The following NELL1 variants were observed in gnomAD, a reference collection of about 807,000 sequenced individuals.
The protein encoded by NELL1 is neural EGFL like 1.
A neutral mutation model predicts 107.4 loss-of-function variants in NELL1; 76 were observed. The ratio of observed to expected loss-of-function variants is 0.71; its 90% CI spans 0.59 to 0.86. The LOEUF (loss-of-function observed/expected upper bound fraction) is 0.86. NELL1 is among the 40% of genes least tolerant of loss of function. The probability of loss-of-function intolerance (pLI) is 0.00; values close to 1 mark genes in which losing one functional copy is unlikely to be tolerated. For synonymous variants in NELL1, 353 were observed against 341.2 expected (o/e 1.03, Z -0.38); for missense variants, 1,024 against 1,005.5 (o/e 1.02, Z -0.25).
intron 12 of NELL1, among the ~76,000 whole-genome samples, chr11:21,022,793 G>A (rs1412036857): frequency 6.6e-6 from 1 of 152,046 alleles, no homozygotes; most frequent in African/African-American, 2.4e-5. Flanking sequence ...TATCATAAGG[G>A]TTAAATTAGA....
At chr11:20,860,102 C>T (rs561875050) in intron 4 of NELL1, among the ~76,000 whole-genome samples, 4 of 152,288 alleles carry the variant, frequency 2.6e-5, no homozygotes, top group Admixed American at 1.3e-4. Context: ...ATCATATTCA[C>T]TTAAGCCACA....
intron 15 of NELL1, among the ~76,000 whole-genome samples, chr11:21,426,475 T>C (rs1255807953): frequency 6.6e-6 from 1 of 152,228 alleles, no homozygotes; most frequent in Non-Finnish European, 1.5e-5. Context: ...TTAAAGACTT[T>C]CATGAAAAGT....
chr11:21,045,658 A>G (rs1853337272), intron 12 of NELL1, among the ~76,000 whole-genome samples: 1 of 151,902 alleles, frequency 6.6e-6, no homozygotes, highest in Non-Finnish European at 1.5e-5. Flanking sequence ...GTTCTTGACC[A>G]CCTCCTCATT....
intron 12 of NELL1, among the ~76,000 whole-genome samples, chr11:21,013,190 T>C (rs1324555417): frequency 1.3e-5 from 2 of 152,172 alleles, no homozygotes; most frequent in Admixed American, 6.5e-5. Context: ...ACTGTCACAA[T>C]TTTATCACTG....
chr11:21,039,275 T>C lies in NELL1; in HGVS notation c.1301-74314T>C, dbSNP rs552892448. Among the ~76,000 whole-genome samples the C allele has an allele frequency of 5.9e-5, 9 of 152,176 alleles. No homozygotes were observed. The South Asian group carries it at 1.9e-3, about 32-fold the overall frequency. On this transcript the variant is annotated intron_variant, in intron 12 of 19. Transcript: ENST00000357134. Reference sequence around the variant, plus strand: ...ATCTCGGCTCACTGCAACCTCTGCCTCCTGGGTTCAAGCAATTCTCCTGTC... The same window carrying C: ...ATCTCGGCTCACTGCAACCTCTGCCCCCTGGGTTCAAGCAATTCTCCTGTC...
At chr11:20,835,064 T>C (rs1267195063) in intron 3 of NELL1, among the ~76,000 whole-genome samples, 1 of 152,206 alleles carries the variant, frequency 6.6e-6, no homozygotes, top group Non-Finnish European at 1.5e-5. Flanking sequence ...TGCCTGAGCA[T>C]GCCAGACACA....
chr11:21,554,514 G>C (rs1015851681), intron 16 of NELL1, among the ~76,000 whole-genome samples: 2 of 151,814 alleles, frequency 1.3e-5, no homozygotes, highest in African/African-American at 2.4e-5. Flanking sequence ...ATCAGGAGTG[G>C]TGGTACAGAT....
intron 2 of NELL1, among the ~76,000 whole-genome samples, chr11:20,714,012 C>T (rs1041708984): frequency 6.6e-6 from 1 of 151,994 alleles, no homozygotes; most frequent in Non-Finnish European, 1.5e-5. Flanking sequence ...AGTTTTTTGT[C>T]TGTCTCCCAG....
At chr11:21,490,422 G>T (rs914389970) in intron 15 of NELL1, among the ~76,000 whole-genome samples, 37 of 97,334 alleles carry the variant, frequency 3.8e-4, no homozygotes, top group Non-Finnish European at 5.7e-4. Flanking sequence ...ATTTTTCACA[G>T]AATTCAAAAA....
intron 14 of NELL1, among the ~76,000 whole-genome samples, chr11:21,271,971 A>T (rs1162260212): frequency 6.6e-6 from 1 of 152,212 alleles, no homozygotes; most frequent in East Asian, 1.9e-4. Flanking sequence ...AGTTCCCAGC[A>T]TGAGCGATGC....
intron 4 of NELL1, among the ~76,000 whole-genome samples, chr11:20,852,625 A>C (rs1590349760): frequency 6.6e-6 from 1 of 152,314 alleles, no homozygotes; most frequent in East Asian, 1.9e-4. Flanking sequence ...TAGTATGCGG[A>C]GGGAAATTAA....
chr11:20,885,648 C>A (rs2134107500), intron 5 of NELL1, 108 bp downstream of exon 5: 1 of 700,976 alleles, frequency 1.4e-6, no homozygotes, highest in Non-Finnish European at 2.6e-6. Context: ...AAGGGCATGG[C>A]ATAATAGCTA....
chr11:20,696,394 T>C (rs913403106), intron 2 of NELL1, among the ~76,000 whole-genome samples: 1 of 152,116 alleles, frequency 6.6e-6, no homozygotes, highest in African/African-American at 2.4e-5. Flanking sequence ...TTACTCTGGG[T>C]GTGATGTTAG....
intron 12 of NELL1, among the ~76,000 whole-genome samples, chr11:21,078,498 A>T (rs1294130585): frequency 6.6e-6 from 1 of 152,166 alleles, no homozygotes; most frequent in Admixed American, 6.5e-5. Flanking sequence ...ATCTAAAGAG[A>T]AAAATGTTCC....
Position 21,275,308 on chromosome 11 carries a change from G to A in NELL1, c.1549+45854G>A, listed in dbSNP as rs1289802942. On this transcript the variant is annotated intron_variant, in intron 14 of 19. Transcript: ENST00000357134. ...TAAACTAGAAAATCTAGAAGAAATG[G>A]ATAAATTCCTAGACACATACACCCT... 2.0e-5 allele frequency among the ~76,000 whole-genome samples: 3 copies of A among 152,252 alleles called. No individual in the cohort carries two copies. In the East Asian group the frequency reaches 5.8e-4, roughly 29 times the overall value.
chr11:20,801,900 T>G (rs1185674549), intron 3 of NELL1, among the ~76,000 whole-genome samples: 2 of 152,214 alleles, frequency 1.3e-5, no homozygotes, highest in Non-Finnish European at 2.9e-5. Context: ...TGTAGATGTA[T>G]GAATTTGTTC....
At chr11:21,059,968 A>G (rs1186194970) in intron 12 of NELL1, among the ~76,000 whole-genome samples, 3 of 152,206 alleles carry the variant, frequency 2.0e-5, no homozygotes, top group South Asian at 4.1e-4. Flanking sequence ...CAAATTTATT[A>G]AAAAGCTCTT....
chr11:20,816,895 T>C (rs542737005), intron 3 of NELL1, among the ~76,000 whole-genome samples: 1 of 152,220 alleles, frequency 6.6e-6, no homozygotes, highest in African/African-American at 2.4e-5. Context: ...TCTATTGAGA[T>C]GATCATATGA....
chr11:21,266,376 G>T (rs1323248197), intron 14 of NELL1, among the ~76,000 whole-genome samples: 1 of 151,922 alleles, frequency 6.6e-6, no homozygotes, highest in African/African-American at 2.4e-5. Context: ...AGCTCCAAAA[G>T]ATATCAGGAA....
Sources: allele counts gnomAD v4.1 joint callset (sites outside exome capture counted in the v4.1 genomes callset), GRCh38; gene constraint gnomAD v4.1.1; transcripts MANE v1.5; gene names NCBI Gene and HGNC (gene_info 2026-07-23, HGNC 2026-07-21).